The following RBBP8 variants were observed in gnomAD, a reference collection of about 807,000 sequenced individuals.
The protein encoded by RBBP8 is DNA endonuclease RBBP8.
Under a neutral mutation model 108.3 loss-of-function variants are expected in RBBP8, and 88 were observed. That is an observed-to-expected ratio of 0.81 (90% CI 0.68 to 0.97). RBBP8 has a LOEUF of 0.97. Ranked by LOEUF, RBBP8 falls within the 50% of genes least tolerant of loss-of-function variation. RBBP8 has a pLI of 0.00. For synonymous variants in RBBP8, 332 were observed against 348.2 expected, an observed-to-expected ratio of 0.95 and a Z score of 0.52; for missense variants, 1,023 against 1,049.0, an observed-to-expected ratio of 0.98 and a Z score of 0.34.
intron 4 of RBBP8, among the ~76,000 whole-genome samples, chr18:22,960,136 G>T (rs111908491): frequency 6.6e-6 from 1 of 151,846 alleles, no homozygotes; most frequent in African/African-American, 2.4e-5. Flanking sequence ...CTTGTGATCC[G>T]CCCACCTCGG....
chr18:22,959,736 T>TG lies in RBBP8; in HGVS notation c.249-9070_249-9069insG, dbSNP rs1912908021. On this transcript the variant is annotated intron_variant, in intron 4 of 18. Transcript: ENST00000327155. Reference sequence around the variant, plus strand: ...TGTATATTTATATGTGTGTGTGTGTTTGTGTGTGTGTGTGTGTATACTCTT... The same window carrying TG: ...TGTATATTTATATGTGTGTGTGTGTTGTGTGTGTGTGTGTGTGTATACTCTT... Among the ~76,000 whole-genome samples, 5 of 149,640 alleles carry TG rather than the reference T, an allele frequency of 3.3e-5. No homozygotes were observed. The South Asian group carries it at 1.1e-3, about 32-fold the overall frequency.
chr18:22,932,121 T>C (rs1184240997), upstream of RBBP8, among the ~76,000 whole-genome samples: 1 of 152,214 alleles, frequency 6.6e-6, no homozygotes, highest in Non-Finnish European at 1.5e-5. Context: ...CTTTGGTTTC[T>C]GACTTGCATA....
intron 6 of RBBP8, among the ~76,000 whole-genome samples, chr18:22,981,315 G>A (rs1373768379): frequency 6.6e-6 from 1 of 152,040 alleles, no homozygotes; most frequent in Non-Finnish European, 1.5e-5. Context: ...GTTGAGAGTA[G>A]ACTATAAGGG....
At chr18:22,927,437 T>A (rs553954093) in intron 3 of RBBP8, among the ~76,000 whole-genome samples, 3 of 152,162 alleles carry the variant, frequency 2.0e-5, no homozygotes, top group Non-Finnish European at 2.9e-5. Context: ...CTTCTTTAAG[T>A]AAATCACACA....
At chr18:22,914,369 A>T (rs544277907) in intron 1 of RBBP8, 4 of 152,152 alleles carry the variant, frequency 2.6e-5, no homozygotes, top group Non-Finnish European at 4.4e-5. Context: ...TTAAGAAATG[A>T]TGTTTAAAAA....
At chr18:22,936,441 C>A (rs1451471378) in intron 1 of RBBP8, among the ~76,000 whole-genome samples, 2 of 152,078 alleles carry the variant, frequency 1.3e-5, no homozygotes, top group African/African-American at 2.4e-5. Context: ...TTAATACTGA[C>A]CATGAATGAT....
intron 2 of RBBP8, among the ~76,000 whole-genome samples, chr18:22,941,545 A>T (rs1911085341): frequency 6.6e-6 from 1 of 152,138 alleles, no homozygotes. Flanking sequence ...GTGTTACAGG[A>T]TCTTCATGAA....
chr18:22,948,765 G>C (rs976653493), intron 3 of RBBP8, among the ~76,000 whole-genome samples: 2 of 152,096 alleles, frequency 1.3e-5, no homozygotes, highest in Non-Finnish European at 2.9e-5. Flanking sequence ...GAAGGTGTTT[G>C]AATCATAGTA....
At chr18:22,995,365 T>C (rs756606939) in intron 12 of RBBP8, among the ~76,000 whole-genome samples, 15 of 152,196 alleles carry the variant, frequency 9.9e-5, no homozygotes, top group Non-Finnish European at 1.9e-4. Flanking sequence ...CTTTATGTAG[T>C]TCCTGTGTAT....
At chr18:22,989,448 T>C (rs535943097) in intron 9 of RBBP8, 130 bp downstream of exon 9, 1 of 652,026 alleles carries the variant, frequency 1.5e-6, no homozygotes, top group Admixed American at 2.3e-5. Flanking sequence ...AAAACTTACA[T>C]TGTTAGAAAG....
chr18:23,014,053 G>C (rs1268749445), intron 16 of RBBP8, among the ~76,000 whole-genome samples: 1 of 152,128 alleles, frequency 6.6e-6, no homozygotes, highest in Admixed American at 6.5e-5. Context: ...AGGCTGGAGT[G>C]AATGGCGCGA....
chr18:23,008,482 A>T (rs570751225), intron 16 of RBBP8, among the ~76,000 whole-genome samples: 15 of 152,262 alleles, frequency 9.9e-5, no homozygotes, highest in Admixed American at 9.8e-4. Flanking sequence ...TTTAGGTGTC[A>T]TTATATACTC....
intron 16 of RBBP8, among the ~76,000 whole-genome samples, chr18:23,013,453 C>A (rs141220415): frequency 0.01 from 1,562 of 152,186 alleles, 23 homozygotes; most frequent in African/African-American, 0.036. Context: ...CCCACCTGGT[C>A]CGTCAGAATG....
At chr18:22,940,936 C>T (rs1456305524) in intron 2 of RBBP8, among the ~76,000 whole-genome samples, 1 of 151,860 alleles carries the variant, frequency 6.6e-6, no homozygotes, top group Non-Finnish European at 1.5e-5. Flanking sequence ...TGTGAGCCAC[C>T]ACACCTGGTC....
At chr18:22,951,240 C>A (rs1912010375) in intron 4 of RBBP8, among the ~76,000 whole-genome samples, 1 of 152,050 alleles carries the variant, frequency 6.6e-6, no homozygotes, top group Non-Finnish European at 1.5e-5. Context: ...CCTAGTATGT[C>A]ATGGATTAAA....
intron 4 of RBBP8, among the ~76,000 whole-genome samples, chr18:22,955,613 T>C (rs1912456834): frequency 6.6e-6 from 1 of 151,196 alleles, no homozygotes; most frequent in Admixed American, 6.6e-5. Flanking sequence ...AGTCTTGCTC[T>C]GTCACCCAGG....
chr18:23,001,718 A>G lies in RBBP8; in HGVS notation c.2276A>G (p.Lys759Arg). 1 of 1,614,170 alleles carries G rather than the reference A, an allele frequency of 6.2e-7. No individual in the cohort carries two copies. The highest frequency in any genetic ancestry group is 8.5e-7 in the Non-Finnish European group (1 of 1,180,020). ...DEEEELSTAT[K>R]KLHTHGDKQD... ...GAGGAGGAATTGTCTACTGCCACAA[A>G]GAAACTACACAGTAAGATTTTTTTC... The change falls in exon 15 of 19, where the codon AAG (lysine) becomes AGG (arginine). Residue 759 changes from lysine (K) to arginine (R), a missense_variant. Lys to Arg is a conservative substitution (Grantham distance 26, BLOSUM62 2). Coordinates refer to ENST00000327155, the MANE Select transcript of RBBP8 (RefSeq NM_002894.3).
intron 4 of RBBP8, among the ~76,000 whole-genome samples, chr18:22,951,415 T>A (rs2144497896): frequency 6.6e-6 from 1 of 152,258 alleles, no homozygotes; most frequent in Non-Finnish European, 1.5e-5. Flanking sequence ...ATAAATGCTA[T>A]GAAGAAAATA....
At chr18:22,966,121 ATTC>A (rs1367859562) in intron 4 of RBBP8, among the ~76,000 whole-genome samples, 2 of 152,110 alleles carry the variant, frequency 1.3e-5, no homozygotes, top group East Asian at 3.9e-4. Context: ...TTTCTCTTCC[ATTC>A]TTCTTGTCCT....
Sources: gnomAD v4.1 joint callset for allele counts (sites outside exome capture counted in the v4.1 genomes callset) on GRCh38, gnomAD v4.1.1 for gene constraint, MANE v1.5 for transcripts, NCBI Gene and HGNC (gene_info 2026-07-23, HGNC 2026-07-21) for gene names.